The following ZNF529 variants were observed in gnomAD, a reference collection of about 807,000 sequenced individuals.
The protein encoded by ZNF529 is zinc finger protein 529.
ZNF529 carries 11 observed loss-of-function variants against 10.1 expected under a neutral mutation model. The observed-to-expected ratio is 1.09, with a 90% CI of 0.69 to 1.81. The LOEUF (loss-of-function observed/expected upper bound fraction) is 1.81, where lower values mean the gene tolerates loss of function less well. Among genes scored for constraint, ZNF529 ranks in the 40% most tolerant of loss-of-function variants. The pLI is 0.00. For synonymous variants in ZNF529, 204 were observed against 215.7 expected, an observed-to-expected ratio of 0.95 and a Z score of 0.47; for missense variants, 624 against 666.8, an observed-to-expected ratio of 0.94 and a Z score of 0.71.
At chr19:36,587,679 A>G (rs1432417703) in intron 2 of ZNF529, among the ~76,000 whole-genome samples, 1 of 152,248 alleles carries the variant, frequency 6.6e-6, no homozygotes, top group East Asian at 1.9e-4. Flanking sequence ...TTATTCAGTC[A>G]TAAAAAGAAA....
upstream of ZNF529, among the ~76,000 whole-genome samples, chr19:36,576,327 C>G (rs1449567673): frequency 6.6e-6 from 1 of 152,210 alleles, no homozygotes; most frequent in African/African-American, 2.4e-5. Context: ...CATGAAACTT[C>G]CATGAGACAG....
In ZNF529 at chr19:36,554,710, C is replaced by T. The variant is rs1403988677; in HGVS notation, c.195G>A (p.Trp65Ter). 1.3e-6 allele frequency: 2 copies of T among 1,575,180 alleles called. No homozygotes were observed. Among genetic ancestry groups the T allele is most frequent in the South Asian group, 2.3e-5 (2 of 85,800 alleles). Residue 65 changes from tryptophan (W) to a stop codon, truncating the protein, a stop_gained, in exon 4 of 5, where the codon TGG becomes TGA. Transcript: ENST00000591340. LOFTEE classifies it low-confidence loss of function (END_TRUNC). ...TGCTGTAGTTCTCCATCATCACATC[C>T]CAGTACAAGTTCCTCTGAGCAGAAT... ...YLDSAQRNLYWDVMMENYSNL... is the reference protein window; with the variant it reads ...YLDSAQRNLY
chr19:36,552,370 C>T (rs538554834), intron 4 of ZNF529, among the ~76,000 whole-genome samples: 3 of 152,086 alleles, frequency 2.0e-5, no homozygotes, highest in Non-Finnish European at 4.4e-5. Flanking sequence ...GAGGTTGCAG[C>T]AAGCTGAAAT....
Position 36,562,153 on chromosome 19 carries a change from G to A in ZNF529, c.15-5956C>T, listed in dbSNP as rs140910380. On this transcript the variant is annotated intron_variant, in intron 2 of 4. Coordinates refer to ENST00000591340, the MANE Select transcript of ZNF529 (RefSeq NM_020951.5). ...CTCGGGAGGCTGAGGTAGGAGAATC[G>A]CTTGAACCTGGGAGGCGGAGGTTGC... Among the ~76,000 whole-genome samples, 47 of 152,072 alleles carry A rather than the reference G, an allele frequency of 3.1e-4. 1 individual carries two copies. In the East Asian group the frequency reaches 8.9e-3, roughly 29 times the overall value.
Position 36,547,741 on chromosome 19 carries a change from G to GAA in ZNF529, c.815_816dup (p.Gln273PhefsTer138). The GAA allele has an allele frequency of 6.2e-7, 1 of 1,613,664 alleles. No individual in the cohort carries two copies. Among genetic ancestry groups the GAA allele is most frequent in the Non-Finnish European group, 8.5e-7 (1 of 1,179,788 alleles). On this transcript the variant is annotated frameshift_variant, in exon 5 of 5. Transcript: ENST00000591340. LOFTEE classifies it low-confidence loss of function (END_TRUNC). Reference sequence around the variant, plus strand: ...TGTTTCTCACCATCATGAACTCTTTGAAGTGGAGTAACTTTTCCAACTCTT... The same window carrying GAA: ...TGTTTCTCACCATCATGAACTCTTTGAAAAGTGGAGTAACTTTTCCAACTCTT...
chr19:36,572,416 G>A, intron 1 of ZNF529, 24 bp from the exon 2 acceptor site: 2 of 1,524,426 alleles, frequency 1.3e-6, no homozygotes, highest in Non-Finnish European at 1.8e-6. Flanking sequence ...AGGGAGAAAG[G>A]ACTCATGACA....
At chr19:36,585,691 T>C (rs970627489) in intron 2 of ZNF529, among the ~76,000 whole-genome samples, 1 of 152,256 alleles carries the variant, frequency 6.6e-6, no homozygotes, top group African/African-American at 2.4e-5. Context: ...GAGATTACTA[T>C]GAATTTTTCC....
At chr19:36,578,327 A>T in intron 2 of ZNF529, among the ~76,000 whole-genome samples, 1 of 47,812 alleles carries the variant, frequency 2.1e-5, no homozygotes, top group South Asian at 8.4e-4. Context: ...TTTTTTTGAG[A>T]CGGAGTCTCA....
intron 2 of ZNF529, among the ~76,000 whole-genome samples, chr19:36,566,691 C>A (rs1422553237): frequency 2.0e-5 from 3 of 151,122 alleles, no homozygotes; most frequent in Non-Finnish European, 4.4e-5. Context: ...GAACTCCAGC[C>A]TGGGTGATGG....
intron 2 of ZNF529, among the ~76,000 whole-genome samples, chr19:36,566,452 C>G (rs2035900155): frequency 6.6e-6 from 1 of 152,136 alleles, no homozygotes. Context: ...TTTTGGGAAG[C>G]TGAGGCAGGC....
intron 2 of ZNF529, among the ~76,000 whole-genome samples, chr19:36,566,370 G>A (rs1326685084): frequency 2.6e-5 from 4 of 152,106 alleles, no homozygotes; most frequent in African/African-American, 9.7e-5. Context: ...GAATTAAAAT[G>A]GTACAGTACA....
chr19:36,559,640 T>C lies in ZNF529; in HGVS notation c.15-3443A>G, dbSNP rs554328201. On this transcript the variant is annotated intron_variant, in intron 2 of 4. Transcript: ENST00000591340. ...AACTTGAAGAGATATTTGCAGTCCT[T>C]TTCATGGCTGCATTATTCATAATAA... is the stretch of plus-strand genomic sequence containing the variant. 5.9e-5 allele frequency among the ~76,000 whole-genome samples: 9 copies of C among 152,308 alleles called. 1 individual carries two copies. The South Asian group carries it at 1.9e-3, about 32-fold the overall frequency.
intron 1 of ZNF529, among the ~76,000 whole-genome samples, chr19:36,595,511 C>T (rs1447519791): frequency 6.6e-6 from 1 of 152,066 alleles, no homozygotes; most frequent in African/African-American, 2.4e-5. Flanking sequence ...GCCTAGACAA[C>T]ATAGCAAGAT....
Position 36,582,348 on chromosome 19 carries a change from G to A in ZNF529, c.-41+7267C>T, listed in dbSNP as rs1380854321. The A allele has an allele frequency of 2.0e-5, 3 of 151,936 alleles. No homozygotes were observed. In the East Asian group the frequency reaches 5.8e-4, roughly 29 times the overall value. The allele number at this position is 151,936 out of a possible 1,614,324, so 9.4% of individuals were successfully genotyped here. ...GCCACCATTTTTAAAAATGAGGAAAGGCTTAAACAAGAATAATAAACATGC... is the reference window on the plus strand; with the variant it reads ...GCCACCATTTTTAAAAATGAGGAAAAGCTTAAACAAGAATAATAAACATGC... On this transcript the variant is annotated intron_variant, in intron 2 of 4. Transcript: ENST00000585960.
intron 4 of ZNF529, 29 bp from the exon 5 acceptor site, chr19:36,548,351 G>T: frequency 6.8e-7 from 1 of 1,481,054 alleles, no homozygotes; most frequent in Middle Eastern, 1.8e-4. Context: ...TAATTTTCAT[G>T]TACTACAAAA....
chr19:36,576,143 G>A (rs925407792), upstream of ZNF529, among the ~76,000 whole-genome samples: 6 of 151,856 alleles, frequency 4.0e-5, no homozygotes, highest in East Asian at 2.0e-4. Flanking sequence ...CACTGCACCC[G>A]GCCTCACGTG....
intron 4 of ZNF529, among the ~76,000 whole-genome samples, chr19:36,551,521 A>G (rs536907821): frequency 7.4e-4 from 113 of 152,330 alleles, no homozygotes; most frequent in African/African-American, 2.6e-3. Flanking sequence ...AGAAGGTATG[A>G]AAATTTCTAG....
chr19:36,546,235 AGTGTGTGTGT>A lies in ZNF529; in HGVS notation c.*621_*630del, dbSNP rs34179809. 1.6e-4 allele frequency: 24 copies of A among 148,094 alleles called. No homozygotes were observed. Among genetic ancestry groups the A allele is most frequent in the African/African-American group, 5.2e-4 (21 of 40,272 alleles). 9.2% of individuals were successfully genotyped at this position (148,094 alleles called of 1,614,324 possible). Reference sequence around the variant, plus strand: ...ATGTGTATATACACTATATGTATATAGTGTGTGTGTGTGTGTGTGTGTGTTATGGTGGAAT... The same window carrying A: ...ATGTGTATATACACTATATGTATATAGTGTGTGTGTGTGTTATGGTGGAAT... On this transcript the variant is annotated 3_prime_UTR_variant, in exon 5 of 5. Coordinates refer to ENST00000591340, the MANE Select transcript of ZNF529 (RefSeq NM_020951.5).
Position 36,548,213 on chromosome 19 carries a change from T to C in ZNF529, c.345A>G (p.Glu115=). 1 of 1,613,940 alleles carries C rather than the reference T, an allele frequency of 6.2e-7. No homozygotes were observed. The highest frequency in any genetic ancestry group is 8.5e-7 in the Non-Finnish European group (1 of 1,179,874). Residue 115 remains glutamate (E), a synonymous_variant, in exon 5 of 5, where the codon GAA becomes GAG. Transcript: ENST00000591340. ...VMESSKLCGL[E]GSIFRNDWQS... is the part of the protein sequence containing the mutation. ...GCCAGTCATTTCTGAAAATGGAACC[T>C]TCAAGGCCACATAACTTGCTACTTT...
Sources: allele counts gnomAD v4.1 joint callset (sites outside exome capture counted in the v4.1 genomes callset), GRCh38; gene constraint gnomAD v4.1.1; transcripts MANE v1.5; gene names NCBI Gene and HGNC (gene_info 2026-07-23, HGNC 2026-07-21).